Variants in WDPCP observed in about 807,000 individuals in gnomAD.
WDPCP encodes the protein WD repeat containing planar cell polarity effector, also known as WD repeat-containing and planar cell polarity effector protein fritz homolog.
A neutral mutation model predicts 93.1 loss-of-function variants in WDPCP; 71 were observed. The ratio of observed to expected loss-of-function variants is 0.76; its 90% CI spans 0.63 to 0.93. The LOEUF is 0.93. Ranked by LOEUF, WDPCP falls within the 40% of genes least tolerant of loss-of-function variation. The pLI is 0.00. For missense variants in WDPCP, 844 were observed against 887.4 expected (o/e 0.95, Z 0.62); for synonymous variants, 315 against 315.0 (o/e 1.00, Z 0.00).
chr2:63,818,744 A>C (rs1377205999), intron 1 of WDPCP, among the ~76,000 whole-genome samples: 2 of 152,158 alleles, frequency 1.3e-5, no homozygotes, highest in Non-Finnish European at 2.9e-5. Context: ...AGGGGAAAAA[A>C]CCCACCAAAC....
At chr2:63,483,706 T>C (rs1048438991) in intron 6 of WDPCP, among the ~76,000 whole-genome samples, 4 of 151,980 alleles carry the variant, frequency 2.6e-5, no homozygotes, top group African/African-American at 9.7e-5. Context: ...AGAATTTAAA[T>C]TAATATAGGA....
intron 14 of WDPCP, among the ~76,000 whole-genome samples, chr2:63,257,847 C>G (rs2104761800): frequency 6.6e-6 from 1 of 152,150 alleles, no homozygotes; most frequent in East Asian, 1.9e-4. Context: ...CAAAGATGGC[C>G]CTCATTATAT....
intron 6 of WDPCP, among the ~76,000 whole-genome samples, chr2:63,448,236 T>C (rs1275675456): frequency 6.6e-6 from 1 of 152,092 alleles, no homozygotes; most frequent in African/African-American, 2.4e-5. Flanking sequence ...CCTTTACAAC[T>C]TCCAGTTCTC....
intron 2 of WDPCP, among the ~76,000 whole-genome samples, chr2:63,811,326 C>T (rs908760540): frequency 2.6e-5 from 4 of 152,162 alleles, no homozygotes; most frequent in Non-Finnish European, 4.4e-5. Flanking sequence ...TTACATTGCT[C>T]GGTCTTGCTC....
the WDPCP span, among the ~76,000 whole-genome samples, chr2:63,839,420 C>T: frequency 1.3e-5 from 2 of 152,120 alleles, no homozygotes; most frequent in Non-Finnish European, 2.9e-5. Context: ...TAGCCAGGTG[C>T]GGTGGCACGA....
At chr2:63,736,677 G>A (rs537052941) in intron 2 of WDPCP, among the ~76,000 whole-genome samples, 1 of 152,152 alleles carries the variant, frequency 6.6e-6, no homozygotes, top group East Asian at 1.9e-4. Context: ...TTTTTCCTCT[G>A]GAATAAGCTG....
chr2:63,621,111 T>C (rs1709731464), intron 3 of WDPCP, among the ~76,000 whole-genome samples: 1 of 152,072 alleles, frequency 6.6e-6, no homozygotes, highest in South Asian at 2.1e-4. Context: ...ACACCCCTTT[T>C]CTTCCAAAGG....
chr2:63,664,498 A>T (rs1426971764), intron 2 of WDPCP, among the ~76,000 whole-genome samples: 1 of 151,782 alleles, frequency 6.6e-6, no homozygotes, highest in African/African-American at 2.4e-5. Context: ...TCCATGAGGG[A>T]CTCCTTCTTT....
intron 6 of WDPCP, among the ~76,000 whole-genome samples, chr2:63,475,281 T>C (rs2105847930): frequency 6.6e-6 from 1 of 152,236 alleles, no homozygotes; most frequent in Non-Finnish European, 1.5e-5. Context: ...TCTTTGATGG[T>C]ACATTTCCCC....
At position 63,148,464 on chromosome 2, in the gene WDPCP, C is replaced by G. The variant is rs150735547; in HGVS notation, c.2190+4450G>C. 8.1e-4 allele frequency among the ~76,000 whole-genome samples: 123 copies of G among 152,196 alleles called. 2 individuals carry two copies. Among genetic ancestry groups the G allele is most frequent in the African/African-American group, 2.7e-3 (112 of 41,534 alleles). Reference sequence around the variant, plus strand: ...AAACGATTCTTGTGTCTCAGTCTCCCGAGTAGCTGGGATTACAGGCGTGTA... The same window carrying G: ...AAACGATTCTTGTGTCTCAGTCTCCGGAGTAGCTGGGATTACAGGCGTGTA... On this transcript the variant is annotated intron_variant, in intron 17 of 17. Transcript: ENST00000272321.
chr2:63,286,773 A>G (rs923372095), intron 13 of WDPCP, among the ~76,000 whole-genome samples: 1 of 152,178 alleles, frequency 6.6e-6, no homozygotes, highest in Admixed American at 6.5e-5. Context: ...TAGCTAGCTT[A>G]TTCTGTGGTT....
At chr2:63,575,186 T>C (rs1298855440) in intron 1 of WDPCP, among the ~76,000 whole-genome samples, 1 of 151,482 alleles carries the variant, frequency 6.6e-6, no homozygotes, top group Non-Finnish European at 1.5e-5. Context: ...ATCAATACAA[T>C]GATTATTTCT....
At chr2:63,744,154 GCACAATA>G (rs2103862622) in intron 2 of WDPCP, among the ~76,000 whole-genome samples, 1 of 152,220 alleles carries the variant, frequency 6.6e-6, no homozygotes, top group South Asian at 2.1e-4. Flanking sequence ...GTTCTTGGAT[GCACAATA>G]CAGTTTTAGC....
At chr2:63,243,821 G>A (rs1298114810) in intron 14 of WDPCP, among the ~76,000 whole-genome samples, 1 of 152,032 alleles carries the variant, frequency 6.6e-6, no homozygotes, top group African/African-American at 2.4e-5. Context: ...AGGCAGAAAA[G>A]TAACAAAGAA....
rs141327091 is a variant in WDPCP, at chr2:63,296,888, A to G, written c.1812+16360T>C. ...CAGCCCAAAGCAATCTACAGATTCAATGCAATTCCTATCGAAGTACCAATG... is the reference window on the plus strand; with the variant it reads ...CAGCCCAAAGCAATCTACAGATTCAGTGCAATTCCTATCGAAGTACCAATG... On this transcript the variant is annotated intron_variant, in intron 13 of 17. Coordinates refer to ENST00000272321, the MANE Select transcript of WDPCP (RefSeq NM_015910.7). Among the ~76,000 whole-genome samples, 260 of 152,336 alleles carry G rather than the reference A, an allele frequency of 1.7e-3. 2 individuals are homozygous for G. The highest frequency in any genetic ancestry group is 5.8e-3 in the African/African-American group (240 of 41,580).
At chr2:63,587,704 G>A (rs964741790) in intron 1 of WDPCP, among the ~76,000 whole-genome samples, 1 of 152,240 alleles carries the variant, frequency 6.6e-6, no homozygotes, top group African/African-American at 2.4e-5. Context: ...ATTTTAAAGA[G>A]AACCTCTTAA....
At chr2:63,838,106 A>T in the WDPCP span, among the ~76,000 whole-genome samples, 2 of 152,194 alleles carry the variant, frequency 1.3e-5, no homozygotes, top group East Asian at 3.8e-4. Flanking sequence ...AAGAAAAAAA[A>T]AAAGAGTGGA....
chr2:63,126,666 GTTTTTTTTTTTT>G (rs763749429), intron 17 of WDPCP, among the ~76,000 whole-genome samples: 1 of 98,116 alleles, frequency 1.0e-5, no homozygotes, highest in South Asian at 3.7e-4. Flanking sequence ...CTTGTTTTGT[GTTTTTTTTTTTT>G]TTTTTTTTTT....
chr2:63,290,881 G>C (rs1684369041), intron 13 of WDPCP, among the ~76,000 whole-genome samples: 1 of 152,050 alleles, frequency 6.6e-6, no homozygotes, highest in South Asian at 2.1e-4. Flanking sequence ...CTAGTTTTCA[G>C]TAATTTGTCT....
Sources: allele counts gnomAD v4.1 joint callset (sites outside exome capture counted in the v4.1 genomes callset), GRCh38; gene constraint gnomAD v4.1.1; transcripts MANE v1.5; gene names NCBI Gene and HGNC (gene_info 2026-07-23, HGNC 2026-07-21).